FXR1: variants seen among roughly 807,000 people sequenced by gnomAD.
FXR1 encodes FMR1 autosomal homolog 1.
Under a neutral mutation model 84.0 loss-of-function variants are expected in FXR1, and 15 were observed. The observed-to-expected ratio is 0.18, with a 90% CI of 0.12 to 0.27. The LOEUF (loss-of-function observed/expected upper bound fraction) is 0.27, where lower values mean the gene tolerates loss of function less well. Ranked by LOEUF, FXR1 falls within the 10% of genes least tolerant of loss-of-function variation. FXR1 has a pLI of 1.00. For synonymous variants in FXR1, 245 were observed against 250.7 expected (o/e 0.98, Z 0.21); for missense variants, 480 against 774.4 (o/e 0.62, Z 4.51).
chr3:180,954,384 C>G (rs1416763235), intron 9 of FXR1, among the ~76,000 whole-genome samples: 1 of 152,102 alleles, frequency 6.6e-6, no homozygotes, highest in East Asian at 1.9e-4. Flanking sequence ...GGAGGTTTCA[C>G]TGTTTATTAT....
At chr3:180,929,042 C>T (rs1463297509) in intron 1 of FXR1, among the ~76,000 whole-genome samples, 1 of 152,152 alleles carries the variant, frequency 6.6e-6, no homozygotes, top group Non-Finnish European at 1.5e-5. Flanking sequence ...CTGCCTCAGC[C>T]TCCCAAGTAG....
At chr3:180,968,608 C>G (rs1245935327) in intron 14 of FXR1, among the ~76,000 whole-genome samples, 1 of 152,052 alleles carries the variant, frequency 6.6e-6, no homozygotes, top group Non-Finnish European at 1.5e-5. Context: ...CCAGAGATTT[C>G]TAATGCACAG....
At chr3:180,967,673 A>G (rs1713010512) in intron 13 of FXR1, among the ~76,000 whole-genome samples, 1 of 150,304 alleles carries the variant, frequency 6.7e-6, no homozygotes, top group African/African-American at 2.5e-5. Context: ...TTTAACTTCC[A>G]TGACTTTGTA....
chr3:180,914,800 C>CA, intron 1 of FXR1: 1 of 983,726 alleles, frequency 1.0e-6, no homozygotes, highest in Non-Finnish European at 1.2e-6. Flanking sequence ...GGTACTTTGA[C>CA]AAAGGTTGGA....
At chr3:180,935,375 A>G (rs1166998709) in intron 3 of FXR1, 144 bp downstream of exon 3, 4 of 568,006 alleles carry the variant, frequency 7.0e-6, no homozygotes, top group South Asian at 4.7e-5. Context: ...TGTGTAATAC[A>G]GCAGTGCTTG....
intron 9 of FXR1, among the ~76,000 whole-genome samples, chr3:180,956,833 G>A (rs779201409): frequency 3.3e-5 from 5 of 152,036 alleles, no homozygotes; most frequent in South Asian, 2.1e-4. Flanking sequence ...TACTGTTGTC[G>A]TTCTTATTCA....
intron 1 of FXR1, among the ~76,000 whole-genome samples, chr3:180,913,003 G>C (rs774814302): frequency 5.9e-5 from 9 of 152,156 alleles, no homozygotes; most frequent in Non-Finnish European, 1.0e-4. Context: ...GGTTCTTGGC[G>C]GGCCGGTGGG....
intron 16 of FXR1, 132 bp downstream of exon 16, chr3:180,975,536 TTGAATA>T: frequency 4.3e-6 from 2 of 463,176 alleles, no homozygotes; most frequent in Non-Finnish European, 7.8e-6. Flanking sequence ...TTAAAGACTC[TTGAATA>T]TGTTCTTGGC....
At chr3:180,962,856 A>G (rs753225930) in intron 11 of FXR1, 27 bp from the exon 12 acceptor site, 1 of 1,485,990 alleles carries the variant, frequency 6.7e-7, no homozygotes, top group Non-Finnish European at 9.4e-7. Flanking sequence ...ATATAAGAAG[A>G]CTTACTCTTT....
At chr3:180,932,615 A>G (rs1720068073) in intron 1 of FXR1, among the ~76,000 whole-genome samples, 1 of 152,218 alleles carries the variant, frequency 6.6e-6, no homozygotes, top group South Asian at 2.1e-4. Context: ...TTAAGGCTGA[A>G]AAATGACCGC....
Position 180,982,301 on chromosome 3 carries a change from A to T in FXR1, c.*6009A>T, listed in dbSNP as rs1714648388. 1 of 151,492 alleles carries T rather than the reference A, an allele frequency of 6.6e-6. No individual in the cohort carries two copies. Among genetic ancestry groups the T allele is most frequent in the Admixed American group, 6.6e-5 (1 of 15,190 alleles). The allele number at this position is 151,492 out of a possible 1,614,324, so 9.4% of individuals were successfully genotyped here. On this transcript the variant is annotated 3_prime_UTR_variant, in exon 17 of 17. Transcript: ENST00000357559. ...TAAGAAAATACCAGCAAAAGATAAAAGTTTTTTTATGGATCGTATTTGTAT... is the reference window on the plus strand; with the variant it reads ...TAAGAAAATACCAGCAAAAGATAAATGTTTTTTTATGGATCGTATTTGTAT...
At chr3:180,940,580 G>GTTTTGTTTTTTTTTTT (rs746815811) in intron 3 of FXR1, among the ~76,000 whole-genome samples, 2 of 146,112 alleles carry the variant, frequency 1.4e-5, no homozygotes, top group Admixed American at 6.7e-5. Context: ...GTTTTTTTCT[G>GTTTTGTTTTTTTTTTT]TTTTCTTTTT....
chr3:180,927,749 G>A (rs1161088519), intron 1 of FXR1: 2 of 436,654 alleles, frequency 4.6e-6, no homozygotes, highest in Non-Finnish European at 8.1e-6. Context: ...AGAACAAATT[G>A]TAGCAAATGT....
Position 180,933,493 on chromosome 3 carries a change from G to T in FXR1, c.104+107G>T, listed in dbSNP as rs777006224. ...GTGGAAAAATGATTTTGCTTTTAGG[G>T]AGTGGGGAGGTTTGGTTGTTTGATC... On this transcript the variant is annotated intron_variant, in intron 2 of 16. Coordinates refer to ENST00000357559, the MANE Select transcript of FXR1 (RefSeq NM_005087.4). The T allele has an allele frequency of 1.3e-5, 9 of 701,782 alleles. No individual in the cohort carries two copies. The highest frequency in any genetic ancestry group is 1.8e-5 in the Non-Finnish European group (7 of 386,462). 43.5% of individuals were successfully genotyped at this position (701,782 alleles called of 1,614,324 possible).
chr3:180,957,798 A>G (rs755368035), intron 9 of FXR1, 21 bp from the exon 10 acceptor site: 1 of 1,100,926 alleles, frequency 9.1e-7, no homozygotes, highest in Non-Finnish European at 1.4e-6. Flanking sequence ...TTACCATTGT[A>G]TTTGTTTTCT....
intron 3 of FXR1, among the ~76,000 whole-genome samples, chr3:180,941,042 G>A (rs1044171297): frequency 2.0e-5 from 3 of 151,932 alleles, no homozygotes; most frequent in Admixed American, 1.3e-4. Flanking sequence ...GTCATATGGC[G>A]GATTGTCAGG....
At chr3:180,940,581 T>TTTTG (rs1489838188) in intron 3 of FXR1, among the ~76,000 whole-genome samples, 6 of 99,710 alleles carry the variant, frequency 6.0e-5, no homozygotes, top group Non-Finnish European at 7.1e-5. Flanking sequence ...TTTTTTTCTG[T>TTTTG]TTTCTTTTTT....
chr3:180,946,724 C>A (rs1721731156), intron 3 of FXR1, among the ~76,000 whole-genome samples: 2 of 152,196 alleles, frequency 1.3e-5, no homozygotes, highest in Non-Finnish European at 1.5e-5. Context: ...AGATTACTCT[C>A]AAATCATCCT....
chr3:180,915,962 T>C (rs1717844206), intron 1 of FXR1, among the ~76,000 whole-genome samples: 1 of 152,220 alleles, frequency 6.6e-6, no homozygotes, highest in African/African-American at 2.4e-5. Flanking sequence ...AGAAACTTGA[T>C]TTGTGCATGT....
Sources: allele counts gnomAD v4.1 joint callset (sites outside exome capture counted in the v4.1 genomes callset), GRCh38; gene constraint gnomAD v4.1.1; transcripts MANE v1.5; gene names NCBI Gene and HGNC (gene_info 2026-07-23, HGNC 2026-07-21).